Variants in CHODL observed in about 807,000 individuals in gnomAD.
CHODL encodes chondrolectin.
Under a neutral mutation model 34.5 loss-of-function variants are expected in CHODL, and 29 were observed. That is an observed-to-expected ratio of 0.84 (90% CI 0.63 to 1.15). The LOEUF is 1.15. Ranked by LOEUF, CHODL falls within the 50% of genes most tolerant of loss-of-function variation. CHODL has a pLI of 0.00. For synonymous variants in CHODL, 125 were observed against 116.1 expected (o/e 1.08, Z -0.49); for missense variants, 332 against 332.5 (o/e 1.00, Z 0.01).
chr21:18,108,278 C>T (rs1457248570), intron 2 of CHODL, among the ~76,000 whole-genome samples: 1 of 151,962 alleles, frequency 6.6e-6, no homozygotes, highest in Non-Finnish European at 1.5e-5. Flanking sequence ...ATGCTCTGAA[C>T]CAGCAACCAA....
intron 1 of CHODL, among the ~76,000 whole-genome samples, chr21:17,972,287 G>A (rs1224165378): frequency 6.6e-6 from 1 of 152,092 alleles, no homozygotes; most frequent in Non-Finnish European, 1.5e-5. Flanking sequence ...GGAAATTCTG[G>A]CCAGGGCAAT....
rs1281570899 is a variant in CHODL at position 18,187,431 on chromosome 21, T to TTC, written c.-44-69069_-44-69068dup. Among the ~76,000 whole-genome samples the TTC allele has an allele frequency of 4.6e-5, 7 of 152,258 alleles. No homozygotes were observed. The East Asian group carries it at 9.6e-4, about 21-fold the overall frequency. On this transcript the variant is annotated intron_variant, in intron 2 of 6. Coordinates refer to the CHODL transcript ENST00000400127. The stretch of plus-strand genomic sequence containing the variant: ...TTCCATTTTACATTTTGGATTTGAT[T>TTC]TCTCTCTCTCATGACACCGTCACAT...
intron 2 of CHODL, among the ~76,000 whole-genome samples, chr21:18,143,314 ACTTTT>A (rs1193201460): frequency 6.6e-6 from 1 of 152,166 alleles, no homozygotes; most frequent in Non-Finnish European, 1.5e-5. Context: ...GATTGATTTG[ACTTTT>A]CTTTAAATCC....
At chr21:18,110,112 C>G (rs928109541) in intron 2 of CHODL, among the ~76,000 whole-genome samples, 6 of 152,152 alleles carry the variant, frequency 3.9e-5, no homozygotes, top group African/African-American at 1.4e-4. Flanking sequence ...AATAGCTTTG[C>G]TATTATTTGA....
chr21:18,208,259 A>G (rs1047149887), intron 2 of CHODL, among the ~76,000 whole-genome samples: 2 of 149,836 alleles, frequency 1.3e-5, no homozygotes, highest in Non-Finnish European at 3.0e-5. Flanking sequence ...GATCAATTCT[A>G]TTAAGACTCT....
At chr21:18,181,349 T>G (rs2073378877) in intron 2 of CHODL, among the ~76,000 whole-genome samples, 1 of 152,234 alleles carries the variant, frequency 6.6e-6, no homozygotes, top group Admixed American at 6.5e-5. Flanking sequence ...TTTTAGAGCA[T>G]TACAGTGCAT....
At chr21:17,937,120 T>G (rs191132924) in intron 1 of CHODL, among the ~76,000 whole-genome samples, 1 of 148,836 alleles carries the variant, frequency 6.7e-6, no homozygotes, top group African/African-American at 2.5e-5. Context: ...AGAGGATAAA[T>G]GTAGAAATGG....
At chr21:18,137,623 A>G (rs2072749448) in intron 2 of CHODL, among the ~76,000 whole-genome samples, 1 of 152,208 alleles carries the variant, frequency 6.6e-6, no homozygotes, top group African/African-American at 2.4e-5. Context: ...AAGCTAAAAT[A>G]TTCATTAACA....
At chr21:18,107,905 A>G (rs2065293411) in intron 2 of CHODL, among the ~76,000 whole-genome samples, 1 of 152,264 alleles carries the variant, frequency 6.6e-6, no homozygotes, top group Non-Finnish European at 1.5e-5. Flanking sequence ...CCTAGTGGAG[A>G]AAACTTTCAA....
chr21:18,018,991 C>G (rs2064102337), intron 1 of CHODL, among the ~76,000 whole-genome samples: 1 of 152,200 alleles, frequency 6.6e-6, no homozygotes, highest in Admixed American at 6.5e-5. Context: ...GTCCTAATTA[C>G]ACCACTTGTT....
At chr21:17,983,153 T>A (rs2063727903) in intron 1 of CHODL, among the ~76,000 whole-genome samples, 1 of 152,242 alleles carries the variant, frequency 6.6e-6, no homozygotes. Flanking sequence ...CTTTCTAATC[T>A]GCTTTATTTC....
chr21:17,984,895 T>A (rs1016362295), intron 1 of CHODL, among the ~76,000 whole-genome samples: 1 of 152,158 alleles, frequency 6.6e-6, no homozygotes, highest in Admixed American at 6.6e-5. Context: ...CTTATTGGAT[T>A]TTTAAATTCT....
chr21:18,164,862 A>G (rs937581108), intron 2 of CHODL, among the ~76,000 whole-genome samples: 2 of 152,254 alleles, frequency 1.3e-5, no homozygotes, highest in Non-Finnish European at 2.9e-5. Context: ...CTATCCAGCC[A>G]GCTGCTCAAG....
chr21:18,165,351 T>C (rs2073139961), intron 2 of CHODL, among the ~76,000 whole-genome samples: 1 of 152,266 alleles, frequency 6.6e-6, no homozygotes, highest in Admixed American at 6.5e-5. Flanking sequence ...TGATTCATCA[T>C]TTTAAATAAA....
chr21:18,068,978 C>A (rs2064764599), intron 2 of CHODL, among the ~76,000 whole-genome samples: 1 of 152,022 alleles, frequency 6.6e-6, no homozygotes. Context: ...AGCTCCAGTT[C>A]CCAGAAGGTT....
rs1198361525 is a variant in CHODL, at chr21:18,027,431, A to C, written c.-144-441A>C. On this transcript the variant is annotated intron_variant, in intron 1 of 6. Coordinates refer to the CHODL transcript ENST00000400127. Reference sequence around the variant, plus strand: ...AGTCATTGAAGGAAAGCAAAATACAAATTATTAATGATGATAATATTGCTC... The same window carrying C: ...AGTCATTGAAGGAAAGCAAAATACACATTATTAATGATGATAATATTGCTC... Among the ~76,000 whole-genome samples, 8 of 152,328 alleles carry C rather than the reference A, an allele frequency of 5.3e-5. 1 individual carries two copies. In the East Asian group the frequency reaches 1.5e-3, roughly 29 times the overall value.
chr21:18,187,730 C>T (rs952206048), intron 2 of CHODL, among the ~76,000 whole-genome samples: 13 of 152,180 alleles, frequency 8.5e-5, no homozygotes, highest in African/African-American at 3.1e-4. Context: ...TCTCATTCCT[C>T]TATGACTTAA....
chr21:18,224,950 C>T (rs1177057578), intron 2 of CHODL, among the ~76,000 whole-genome samples: 2 of 151,926 alleles, frequency 1.3e-5, no homozygotes, highest in Admixed American at 6.6e-5. Context: ...TATTAGAATG[C>T]TGGTTATACA....
rs1005945583 is a variant in CHODL at position 18,019,863 on chromosome 21, A to G, written c.-144-8009A>G. On this transcript the variant is annotated intron_variant, in intron 1 of 6. Transcript: ENST00000400127. ...GGACCTACCCATTCTTGATCAGAAG[A>G]AAAGCAATAGAGCAGGGAGAAGCTC... Among the ~76,000 whole-genome samples, 6 of 152,258 alleles carry G rather than the reference A, an allele frequency of 3.9e-5. 1 individual carries two copies. The highest frequency in any genetic ancestry group is 1.3e-4 in the Admixed American group (2 of 15,300).
Sources: allele counts gnomAD v4.1 joint callset (sites outside exome capture counted in the v4.1 genomes callset), GRCh38; gene constraint gnomAD v4.1.1; transcripts MANE v1.5; gene names NCBI Gene and HGNC (gene_info 2026-07-23, HGNC 2026-07-21).